The following NKAIN2 variants were observed in gnomAD, a reference collection of about 807,000 sequenced individuals.
NKAIN2 encodes the protein sodium/potassium transporting ATPase interacting 2, also known as sodium/potassium-transporting ATPase subunit beta-1-interacting protein 2.
NKAIN2 carries 14 observed loss-of-function variants against 32.6 expected under a neutral mutation model. That is an observed-to-expected ratio of 0.43 (90% CI 0.28 to 0.67). NKAIN2 has a LOEUF of 0.67. NKAIN2 is among the 30% of genes least tolerant of loss of function. The pLI, the probability that NKAIN2 is intolerant of heterozygous loss-of-function variation, is 0.17. For missense variants in NKAIN2, 198 were observed against 258.3 expected (o/e 0.77, Z 1.60); for synonymous variants, 80 against 87.2 (o/e 0.92, Z 0.46).
chr6:123,920,608 A>T (rs1487232543), intron 1 of NKAIN2, among the ~76,000 whole-genome samples: 2 of 152,026 alleles, frequency 1.3e-5, no homozygotes, highest in Admixed American at 6.6e-5. Context: ...CCACACCATC[A>T]TTGTTTTGTC....
intron 3 of NKAIN2, among the ~76,000 whole-genome samples, chr6:124,520,620 C>A (rs1779085138): frequency 6.6e-6 from 1 of 152,128 alleles, no homozygotes. Flanking sequence ...AGGAAACATG[C>A]CAAAGAATAC....
chr6:124,637,427 G>GA (rs1208265970), intron 3 of NKAIN2, among the ~76,000 whole-genome samples: 18 of 151,700 alleles, frequency 1.2e-4, no homozygotes, highest in Admixed American at 1.1e-3. Flanking sequence ...ATCCAAATTG[G>GA]AAAAAAAGGA....
intron 4 of NKAIN2, among the ~76,000 whole-genome samples, chr6:124,677,964 A>C (rs1285843673): frequency 6.6e-6 from 1 of 151,912 alleles, no homozygotes; most frequent in South Asian, 2.1e-4. Context: ...TCATTTTTGA[A>C]TGACAGTTTT....
chr6:124,064,562 A>G (rs1013830265), intron 1 of NKAIN2, among the ~76,000 whole-genome samples: 2 of 151,914 alleles, frequency 1.3e-5, no homozygotes, highest in African/African-American at 4.8e-5. Flanking sequence ...CTCCAGATCT[A>G]TTTCTCTAGG....
At chr6:123,917,288 A>C (rs1445207878) in intron 1 of NKAIN2, among the ~76,000 whole-genome samples, 1 of 152,058 alleles carries the variant, frequency 6.6e-6, no homozygotes, top group Non-Finnish European at 1.5e-5. Context: ...TACAAGGAAA[A>C]TTCATGTGTG....
rs187528038 is a variant in NKAIN2 at position 124,154,332 on chromosome 6, C to A, written c.55-128673C>A. On this transcript the variant is annotated intron_variant, in intron 1 of 6. Transcript: ENST00000368417. ...GAGACTGTAAAACTTCTCTGTCACTCAGTTCTGTTCATAGCCATGCTTACT... is the reference window on the plus strand; with the variant it reads ...GAGACTGTAAAACTTCTCTGTCACTAAGTTCTGTTCATAGCCATGCTTACT... Among the ~76,000 whole-genome samples, 7 of 151,936 alleles carry A rather than the reference C, an allele frequency of 4.6e-5. No homozygotes were observed. In the East Asian group the frequency reaches 1.2e-3, roughly 25 times the overall value.
chr6:123,997,920 T>C (rs2114704777), intron 1 of NKAIN2, among the ~76,000 whole-genome samples: 1 of 152,238 alleles, frequency 6.6e-6, no homozygotes, highest in South Asian at 2.1e-4. Context: ...TTGTTATTTG[T>C]TAAAAGAATG....
chr6:124,601,182 C>T (rs1411105005), intron 3 of NKAIN2, among the ~76,000 whole-genome samples: 2 of 152,088 alleles, frequency 1.3e-5, no homozygotes, highest in Non-Finnish European at 2.9e-5. Flanking sequence ...CAGTTGAATG[C>T]TAATCCTTCC....
At chr6:123,819,938 T>G (rs1258278643) in intron 1 of NKAIN2, among the ~76,000 whole-genome samples, 2 of 152,202 alleles carry the variant, frequency 1.3e-5, no homozygotes, top group Non-Finnish European at 2.9e-5. Context: ...AAGAGCAGTT[T>G]GATAATGTTG....
At chr6:123,856,159 C>A (rs1465364003) in intron 1 of NKAIN2, among the ~76,000 whole-genome samples, 2 of 151,948 alleles carry the variant, frequency 1.3e-5, no homozygotes, top group African/African-American at 4.8e-5. Context: ...GCAATAAAAC[C>A]CCTTCCTTTT....
intron 4 of NKAIN2, among the ~76,000 whole-genome samples, chr6:124,740,381 C>T (rs1777143761): frequency 6.6e-6 from 1 of 150,876 alleles, no homozygotes; most frequent in African/African-American, 2.4e-5. Flanking sequence ...AAGACTCTTC[C>T]CTCATGGAGC....
Position 123,986,217 on chromosome 6 carries a change from G to C in NKAIN2, c.54+181963G>C, listed in dbSNP as rs17086411. Among the ~76,000 whole-genome samples the C allele has an allele frequency of 3.6e-3, 546 of 152,210 alleles. 7 individuals are homozygous for C. Among genetic ancestry groups the C allele is most frequent in the African/African-American group, 0.013 (522 of 41,556 alleles). ...ACAACAGAGTAGCATTATATATTGA[G>C]CCAAATTGAAAGAGACAAATACAGT... On this transcript the variant is annotated intron_variant, in intron 1 of 6. Coordinates refer to ENST00000368417, the MANE Select transcript of NKAIN2 (RefSeq NM_001040214.3).
At chr6:124,779,272 AGAGAG>A (rs1779135212) in intron 4 of NKAIN2, among the ~76,000 whole-genome samples, 2 of 125,342 alleles carry the variant, frequency 1.6e-5, no homozygotes, top group Admixed American at 1.7e-4. Flanking sequence ...AGAGAGAGAG[AGAGAG>A]AGAGAGGAAG....
intron 4 of NKAIN2, among the ~76,000 whole-genome samples, chr6:124,727,127 C>T (rs1776367629): frequency 1.3e-5 from 2 of 152,062 alleles, no homozygotes; most frequent in South Asian, 4.1e-4. Context: ...AGTTGGAAAA[C>T]ATTCTGCAGG....
At chr6:124,238,910 A>G (rs1034500028) in intron 1 of NKAIN2, among the ~76,000 whole-genome samples, 2 of 152,150 alleles carry the variant, frequency 1.3e-5, no homozygotes, top group Admixed American at 6.6e-5. Context: ...AATGACAGGA[A>G]CAAATTCACA....
intron 4 of NKAIN2, among the ~76,000 whole-genome samples, chr6:124,766,969 A>G (rs555318549): frequency 6.8e-4 from 103 of 152,168 alleles, no homozygotes; most frequent in African/African-American, 2.2e-3. Flanking sequence ...ATCCTGGCTC[A>G]CTGCAACCTC....
chr6:124,667,968 A>C (rs1772889105), intron 4 of NKAIN2, among the ~76,000 whole-genome samples: 1 of 152,032 alleles, frequency 6.6e-6, no homozygotes, highest in African/African-American at 2.4e-5. Context: ...TCTATATAAC[A>C]AGATATCTGA....
At chr6:124,342,220 T>C (rs1798148652) in intron 2 of NKAIN2, among the ~76,000 whole-genome samples, 1 of 150,872 alleles carries the variant, frequency 6.6e-6, no homozygotes, top group Admixed American at 6.6e-5. Context: ...GCTGACATGG[T>C]GAAACCCCGT....
At chr6:124,663,279 A>C (rs922022273) in intron 4 of NKAIN2, among the ~76,000 whole-genome samples, 2 of 151,956 alleles carry the variant, frequency 1.3e-5, no homozygotes, top group Non-Finnish European at 2.9e-5. Flanking sequence ...CACACACAAA[A>C]AAATAGCCAG....
Sources: gnomAD v4.1 joint callset for allele counts (sites outside exome capture counted in the v4.1 genomes callset) on GRCh38, gnomAD v4.1.1 for gene constraint, MANE v1.5 for transcripts, NCBI Gene and HGNC (gene_info 2026-07-23, HGNC 2026-07-21) for gene names.